The following LRP1B variants were observed in gnomAD, a reference collection of about 807,000 sequenced individuals.
The protein encoded by LRP1B is low-density lipoprotein receptor-related protein 1B.
Under a neutral mutation model 556.6 loss-of-function variants are expected in LRP1B, and 217 were observed. That is an observed-to-expected ratio of 0.39 (90% confidence interval 0.35 to 0.44). LRP1B has a LOEUF of 0.44. LRP1B is among the 20% of genes least tolerant of loss of function. The probability of loss-of-function intolerance (pLI) is 1.00; values close to 1 mark genes in which losing one functional copy is unlikely to be tolerated. For missense variants in LRP1B, 5,053 were observed against 5,620.8 expected (o/e 0.90, Z 3.23); for synonymous variants, 2,047 against 1,865.8 (o/e 1.10, Z -2.50).
intron 18 of LRP1B, among the ~76,000 whole-genome samples, chr2:140,958,654 A>C (rs1695944100): frequency 1.3e-5 from 2 of 151,628 alleles, no homozygotes; most frequent in African/African-American, 4.8e-5. Context: ...GAATTTAAGG[A>C]GACATGACTT....
intron 41 of LRP1B, among the ~76,000 whole-genome samples, chr2:140,621,767 C>A (rs1362243715): frequency 6.6e-6 from 1 of 152,166 alleles, no homozygotes; most frequent in Non-Finnish European, 1.5e-5. Flanking sequence ...GTGATCACAT[C>A]ATTACACTGC....
intron 85 of LRP1B, among the ~76,000 whole-genome samples, chr2:140,272,194 C>G (rs1682488731): frequency 6.6e-6 from 1 of 151,426 alleles, no homozygotes; most frequent in Non-Finnish European, 1.5e-5. Flanking sequence ...GAGTGCAGCT[C>G]ATATTTTAAA....
chr2:142,014,308 G>T (rs988391723), intron 1 of LRP1B, among the ~76,000 whole-genome samples: 3 of 152,094 alleles, frequency 2.0e-5, no homozygotes, highest in African/African-American at 7.2e-5. Context: ...AGCTAAAAAA[G>T]ACATGTTGAT....
chr2:140,538,548 A>G (rs1427538631), intron 45 of LRP1B, among the ~76,000 whole-genome samples: 1 of 138,862 alleles, frequency 7.2e-6, no homozygotes, highest in Non-Finnish European at 1.6e-5. Flanking sequence ...GATGATAACA[A>G]CATGTTCCAA....
intron 20 of LRP1B, among the ~76,000 whole-genome samples, chr2:140,926,882 C>T (rs2105264810): frequency 6.6e-6 from 1 of 152,228 alleles, no homozygotes; most frequent in African/African-American, 2.4e-5. Context: ...GTTTCTTTAT[C>T]TCCCATCCTG....
chr2:140,596,826 G>C (rs540995871), intron 43 of LRP1B, among the ~76,000 whole-genome samples: 2 of 152,190 alleles, frequency 1.3e-5, no homozygotes, highest in Admixed American at 1.3e-4. Flanking sequence ...TCTGCAAATG[G>C]GGATCATCAT....
At chr2:140,850,057 G>T in intron 29 of LRP1B, 45 bp downstream of exon 29, 1 of 1,214,570 alleles carries the variant, frequency 8.2e-7, no homozygotes, top group Non-Finnish European at 1.2e-6. Context: ...ATTACAAACT[G>T]AATAACAAAC....
At chr2:141,968,436 T>G (rs535172612) in intron 1 of LRP1B, among the ~76,000 whole-genome samples, 2 of 151,752 alleles carry the variant, frequency 1.3e-5, no homozygotes, top group East Asian at 3.9e-4. Flanking sequence ...TCATTTTTTT[T>G]GCTTGCAATC....
intron 1 of LRP1B, among the ~76,000 whole-genome samples, chr2:142,023,750 G>A (rs1426132362): frequency 6.6e-6 from 1 of 152,178 alleles, no homozygotes; most frequent in Non-Finnish European, 1.5e-5. Context: ...GGTAGTTTGA[G>A]ACTGGGATGG....
intron 1 of LRP1B, among the ~76,000 whole-genome samples, chr2:141,844,598 C>A (rs1178080881): frequency 1.3e-5 from 2 of 151,982 alleles, no homozygotes; most frequent in Non-Finnish European, 2.9e-5. Flanking sequence ...TTATGTCTAG[C>A]TTAAAAACAA....
At position 140,469,942 on chromosome 2, in the gene LRP1B, T is replaced by C. The variant is rs540167175; in HGVS notation, c.9625+5196A>G. 1.8e-4 allele frequency among the ~76,000 whole-genome samples: 27 copies of C among 152,284 alleles called. No individual in the cohort carries two copies. The South Asian group carries it at 5.4e-3, about 30-fold the overall frequency. ...GCTTTAACCGCACTTATTACATATA[T>C]AGGTTGGTAGAATAATTACAAGAGC... On this transcript the variant is annotated intron_variant, in intron 60 of 90. Coordinates refer to ENST00000389484, the MANE Select transcript of LRP1B (RefSeq NM_018557.3).
intron 60 of LRP1B, 68 bp from the exon 61 acceptor site, chr2:140,457,719 C>A: frequency 8.1e-7 from 1 of 1,229,364 alleles, no homozygotes. Context: ...TTCAATACTA[C>A]ATGGGCTGAC....
At chr2:141,397,105 C>T (rs1690264177) in intron 3 of LRP1B, among the ~76,000 whole-genome samples, 2 of 9,516 alleles carry the variant, frequency 2.1e-4, no homozygotes, top group Non-Finnish European at 4.7e-4. Context: ...AAGAAGGAAA[C>T]TTTGTCTCAA....
chr2:141,494,587 GT>G (rs1683449624), intron 2 of LRP1B, among the ~76,000 whole-genome samples: 1 of 151,534 alleles, frequency 6.6e-6, no homozygotes, highest in East Asian at 1.9e-4. Context: ...TGATTTTCTT[GT>G]TTTAAACAGA....
chr2:142,025,345 C>T (rs80178281), intron 1 of LRP1B, among the ~76,000 whole-genome samples: 5,152 of 152,140 alleles, frequency 0.034, 89 homozygotes, highest in Non-Finnish European at 0.04. Context: ...ACACACTTAC[C>T]GAAAACACTT....
intron 41 of LRP1B, among the ~76,000 whole-genome samples, chr2:140,643,376 C>T (rs895918971): frequency 6.6e-6 from 1 of 151,874 alleles, no homozygotes; most frequent in African/African-American, 2.4e-5. Flanking sequence ...TTGATCACTG[C>T]CTCTTCAGAA....
At chr2:140,935,110 T>A (rs1695165288) in intron 20 of LRP1B, among the ~76,000 whole-genome samples, 1 of 151,950 alleles carries the variant, frequency 6.6e-6, no homozygotes, top group African/African-American at 2.4e-5. Flanking sequence ...AAAACAAAAA[T>A]CACAAGGCAT....
chr2:140,894,040 G>A (rs546893952), intron 23 of LRP1B, among the ~76,000 whole-genome samples: 12 of 152,194 alleles, frequency 7.9e-5, no homozygotes, highest in East Asian at 1.9e-4. Context: ...ATTAAAATCC[G>A]GATGGAAACT....
intron 1 of LRP1B, among the ~76,000 whole-genome samples, chr2:141,819,403 G>A (rs796667616): frequency 5.3e-5 from 8 of 152,284 alleles, no homozygotes; most frequent in African/African-American, 1.9e-4. Flanking sequence ...AGAGGGCAAG[G>A]GGTTCTGTCT....
Sources: allele counts gnomAD v4.1 joint callset (sites outside exome capture counted in the v4.1 genomes callset), GRCh38; gene constraint gnomAD v4.1.1; transcripts MANE v1.5; gene names NCBI Gene and HGNC (gene_info 2026-07-23, HGNC 2026-07-21).